Variants in PTPRG observed in about 807,000 individuals in gnomAD.
The protein encoded by PTPRG is receptor-type tyrosine-protein phosphatase gamma.
PTPRG carries 102 observed loss-of-function variants against 165.3 expected under a neutral mutation model. The observed-to-expected ratio is 0.62, with a 90% CI of 0.53 to 0.73. PTPRG has a LOEUF of 0.73. Ranked by LOEUF, PTPRG falls within the 30% of genes least tolerant of loss-of-function variation. The pLI, the probability that PTPRG is intolerant of heterozygous loss-of-function variation, is 0.00. For synonymous variants in PTPRG, 675 were observed against 669.5 expected (o/e 1.01, Z -0.13); for missense variants, 1,866 against 1,861.4 (o/e 1.00, Z -0.05).
intron 2 of PTPRG, among the ~76,000 whole-genome samples, chr3:61,775,679 A>G (rs1229024510): frequency 1.3e-5 from 2 of 152,136 alleles, no homozygotes; most frequent in Non-Finnish European, 2.9e-5. Flanking sequence ...CTGCAACCCA[A>G]ATGTCCAACA....
In PTPRG at chr3:62,297,522, TTAAAC is replaced by T. The variant is rs1054644220; in HGVS notation, c.*4218_*4222del. On this transcript the variant is annotated 3_prime_UTR_variant, in exon 30 of 30. Coordinates refer to ENST00000474889, the MANE Select transcript of PTPRG (RefSeq NM_002841.4). ...TGAAATTTTTCCCTTTTTCTTCTGTTTAAACTATATCAAATCATTCTATTATAGTG... is the reference window on the plus strand; with the variant it reads ...TGAAATTTTTCCCTTTTTCTTCTGTTTATATCAAATCATTCTATTATAGTG... 14 of 151,994 alleles carry T rather than the reference TTAAAC, an allele frequency of 9.2e-5. No homozygotes were observed. The highest frequency in any genetic ancestry group is 2.7e-4 in the African/African-American group (11 of 41,420). 9.4% of individuals were successfully genotyped at this position (151,994 alleles called of 1,614,324 possible).
chr3:62,164,963 C>T (rs539752772), intron 7 of PTPRG, among the ~76,000 whole-genome samples: 10 of 152,228 alleles, frequency 6.6e-5, no homozygotes, highest in African/African-American at 2.2e-4. Flanking sequence ...AGAAAATTTC[C>T]GGTCTAATTC....
rs200806155 is a variant in PTPRG, at chr3:62,157,123, G to A, written c.739G>A (p.Gly247Ser). Reference sequence around the variant, plus strand: ...CCGGGACCTCCTGCCTGCATCCCTGGGCAGCTATTATCGGTACACAGGTTC... The same window carrying A: ...CCGGGACCTCCTGCCTGCATCCCTGAGCAGCTATTATCGGTACACAGGTTC... The part of the protein sequence containing the change: ...VLRDLLPASL[G>S]SYYRYTGSLT... Residue 247 changes from glycine to serine, a missense_variant, in exon 7 of 30, where the codon GGC becomes AGC. By Grantham distance (56) the Gly-to-Ser change is moderately conservative (BLOSUM62 0). Coordinates refer to ENST00000474889, the MANE Select transcript of PTPRG (RefSeq NM_002841.4). The A allele has an allele frequency of 2.7e-5, 44 of 1,612,148 alleles. No homozygotes were observed. The highest frequency in any genetic ancestry group is 3.4e-5 in the Non-Finnish European group (40 of 1,178,446).
intron 5 of PTPRG, among the ~76,000 whole-genome samples, chr3:62,112,222 A>G (rs149282212): frequency 0.01 from 1,529 of 152,110 alleles, 22 homozygotes; most frequent in African/African-American, 0.035. Flanking sequence ...CTCCTGCCTC[A>G]GCCTCCTGAG....
At chr3:61,603,464 C>A (rs1700920032) in intron 1 of PTPRG, among the ~76,000 whole-genome samples, 1 of 152,176 alleles carries the variant, frequency 6.6e-6, no homozygotes, top group Non-Finnish European at 1.5e-5. Context: ...CAAGTAGATG[C>A]CAGCACTGTG....
At chr3:62,058,605 G>A (rs769099878) in intron 4 of PTPRG, among the ~76,000 whole-genome samples, 46 of 152,218 alleles carry the variant, frequency 3.0e-4, no homozygotes, top group Non-Finnish European at 5.6e-4. Context: ...TGCGTTTATG[G>A]ATCTGGGGAG....
chr3:62,233,391 C>A lies in PTPRG; in HGVS notation c.2375+2080C>A, dbSNP rs1576163512. On this transcript the variant is annotated intron_variant, in intron 14 of 29. Coordinates refer to ENST00000474889, the MANE Select transcript of PTPRG (RefSeq NM_002841.4). The surrounding 1 kb of genome is among the most constrained non-coding windows in gnomAD (Gnocchi z 4.7). The stretch of plus-strand genomic sequence containing the variant: ...TCTCCCCAGGCACTTTTGCTGCCTC[C>A]TTTCCTGACCCATGTCCATCCTGCT... Among the ~76,000 whole-genome samples, 2 of 152,298 alleles carry A rather than the reference C, an allele frequency of 1.3e-5. No homozygotes were observed. Among genetic ancestry groups the A allele is most frequent in the East Asian group, 3.9e-4 (2 of 5,180 alleles).
intron 2 of PTPRG, among the ~76,000 whole-genome samples, chr3:61,804,154 G>C (rs907862102): frequency 6.6e-6 from 1 of 152,198 alleles, no homozygotes; most frequent in African/African-American, 2.4e-5. Context: ...TGGTTTTCTA[G>C]CATATTTCAC....
chr3:62,074,578 C>A (rs1293536634), intron 4 of PTPRG, among the ~76,000 whole-genome samples: 1 of 152,000 alleles, frequency 6.6e-6, no homozygotes, highest in Non-Finnish European at 1.5e-5. Context: ...TGTTCTCAAC[C>A]AGTCCTCCCA....
intron 1 of PTPRG, among the ~76,000 whole-genome samples, chr3:61,637,455 G>T (rs1348553514): frequency 6.6e-6 from 1 of 152,204 alleles, no homozygotes; most frequent in Non-Finnish European, 1.5e-5. Context: ...TGCTGGGCAT[G>T]TTGGTAAGGG....
intron 2 of PTPRG, among the ~76,000 whole-genome samples, chr3:61,843,155 T>A (rs554457267): frequency 6.6e-6 from 1 of 152,214 alleles, no homozygotes; most frequent in African/African-American, 2.4e-5. Context: ...AATTTAAATT[T>A]TGATAAGCCA....
chr3:61,678,569 G>A (rs1275033323), intron 1 of PTPRG, among the ~76,000 whole-genome samples: 3 of 151,992 alleles, frequency 2.0e-5, no homozygotes, highest in Admixed American at 6.6e-5. Context: ...TCTCCAGCTC[G>A]GAGCATCCCC....
Position 61,985,965 on chromosome 3 carries a change from G to T in PTPRG, c.191-3660G>T, listed in dbSNP as rs145554380. ...CGAATTTAATATATTAGTGAAGAAC[G>T]AAAAGGAGTATTTACTCCTGAAGTT... On this transcript the variant is annotated intron_variant, in intron 2 of 29. Transcript: ENST00000474889. Among the ~76,000 whole-genome samples, 11 of 152,212 alleles carry T rather than the reference G, an allele frequency of 7.2e-5. No homozygotes were observed. The East Asian group carries it at 1.7e-3, about 24-fold the overall frequency.
intron 4 of PTPRG, among the ~76,000 whole-genome samples, chr3:62,058,377 A>G (rs892861566): frequency 6.6e-6 from 1 of 152,104 alleles, no homozygotes; most frequent in Non-Finnish European, 1.5e-5. Flanking sequence ...TGCTATGTCA[A>G]CCAGGGTTGT....
intron 4 of PTPRG, among the ~76,000 whole-genome samples, chr3:62,056,418 A>T (rs1700636104): frequency 6.7e-6 from 1 of 148,876 alleles, no homozygotes; most frequent in Non-Finnish European, 1.5e-5. Context: ...ACCTTATAAG[A>T]TTTTTTTTTT....
Position 62,277,622 on chromosome 3 carries a change from A to G in PTPRG, c.3708A>G (p.Arg1236=), listed in dbSNP as rs752308436. 2 of 1,612,910 alleles carry G rather than the reference A, an allele frequency of 1.2e-6. No homozygotes were observed. Among genetic ancestry groups the G allele is most frequent in the Non-Finnish European group, 1.7e-6 (2 of 1,179,354 alleles). The change falls in exon 26 of 30, where the codon CGA becomes CGG. Residue 1236 remains arginine, a synonymous_variant. Coordinates refer to ENST00000474889, the MANE Select transcript of PTPRG (RefSeq NM_002841.4). ...PLPHTTKDFW[R]MIWDHNAQII... Reference sequence around the variant, plus strand: ...CACATACTACGAAAGATTTCTGGCGAATGATTTGGGATCATAACGCACAGA... The same window carrying G: ...CACATACTACGAAAGATTTCTGGCGGATGATTTGGGATCATAACGCACAGA...
At chr3:61,674,888 G>C (rs984395747) in intron 1 of PTPRG, among the ~76,000 whole-genome samples, 2 of 152,198 alleles carry the variant, frequency 1.3e-5, no homozygotes, top group Admixed American at 1.3e-4. Flanking sequence ...AAATTTCCTA[G>C]TGCATTTAAA....
chr3:61,563,138 CGGG>C (rs1699808131), intron 1 of PTPRG, among the ~76,000 whole-genome samples: 1 of 150,200 alleles, frequency 6.7e-6, no homozygotes, highest in African/African-American at 2.4e-5. Flanking sequence ...GGGGAGGGGG[CGGG>C]GGCGGTTTCG....
In PTPRG at chr3:62,147,194, C is replaced by G. The variant is rs188990303; in HGVS notation, c.683-9873C>G. On this transcript the variant is annotated intron_variant, in intron 6 of 29. Coordinates refer to ENST00000474889, the MANE Select transcript of PTPRG (RefSeq NM_002841.4). ...AGGGCCTGGCACCCAGTTTCTGAAC[C>G]GTAAGTGTGAACTGGGAAAAGGAGG... Among the ~76,000 whole-genome samples the G allele has an allele frequency of 3.0e-3, 460 of 152,240 alleles. 2 individuals are homozygous for G. Among genetic ancestry groups the G allele is most frequent in the Non-Finnish European group, 5.0e-3 (337 of 68,022 alleles).
Sources: gnomAD v4.1 joint callset for allele counts (sites outside exome capture counted in the v4.1 genomes callset) on GRCh38, gnomAD v4.1.1 for gene constraint, Gnocchi (gnomAD v3.1) non-coding constraint, MANE v1.5 for transcripts, NCBI Gene and HGNC (gene_info 2026-07-23, HGNC 2026-07-21) for gene names.